SIGLEC1: variants seen among roughly 807,000 people sequenced by gnomAD.
SIGLEC1 encodes the protein sialoadhesin.
In SIGLEC1, 132 loss-of-function variants were observed where a neutral mutation model predicts 148.0. The ratio of observed to expected loss-of-function variants is 0.89; its 90% CI spans 0.77 to 1.03. The LOEUF is 1.03. SIGLEC1 is among the 50% of genes least tolerant of loss of function. The probability of loss-of-function intolerance (pLI) is 0.00; values close to 1 mark genes in which losing one functional copy is unlikely to be tolerated. For synonymous variants in SIGLEC1, 945 were observed against 969.0 expected, an observed-to-expected ratio of 0.98 and a Z score of 0.46; for missense variants, 2,253 against 2,271.4, an observed-to-expected ratio of 0.99 and a Z score of 0.16.
At chr20:3,700,706 T>C (rs1311473699) in intron 7 of SIGLEC1, among the ~76,000 whole-genome samples, 3 of 148,398 alleles carry the variant, frequency 2.0e-5, no homozygotes, top group East Asian at 2.0e-4. Flanking sequence ...TCTTTTTTTT[T>C]TTTTTTTTTT....
At chr20:3,709,003 C>A (rs2146533820) in intron 1 of SIGLEC1, among the ~76,000 whole-genome samples, 1 of 146,706 alleles carries the variant, frequency 6.8e-6, no homozygotes, top group African/African-American at 2.6e-5. Flanking sequence ...CAGGATCACG[C>A]CACTGTACTC....
chr20:3,700,757 G>A (rs2087844956), intron 7 of SIGLEC1, among the ~76,000 whole-genome samples: 1 of 147,232 alleles, frequency 6.8e-6, no homozygotes, highest in Non-Finnish European at 1.5e-5. Flanking sequence ...CTGGAGTGCA[G>A]TGGCGCTATC....
Position 3,689,628 on chromosome 20 carries a change from A to G in SIGLEC1, c.4969T>C (p.Leu1657=). The change falls in exon 20 of 22, where the codon TTG becomes CTG. Residue 1657 remains leucine, a synonymous_variant. Coordinates refer to ENST00000344754, the MANE Select transcript of SIGLEC1 (RefSeq NM_023068.4). ...GLLVGLLLLL[L]GLGACYTWRR... is the part of the protein sequence containing the mutation. ...CAGGTGTAGCAGGCCCCCAGGCCCA[A>G]CAGCAGGAGCAGGAGGCCCACCAGC... 3 of 1,588,040 alleles carry G rather than the reference A, an allele frequency of 1.9e-6. No individual in the cohort carries two copies. Among genetic ancestry groups the G allele is most frequent in the Non-Finnish European group, 2.6e-6 (3 of 1,167,436 alleles).
Position 3,694,394 on chromosome 20 carries a change from A to T in SIGLEC1, c.3083T>A (p.Leu1028Gln), listed in dbSNP as rs2088800586. Residue 1028 changes from leucine to glutamine, a missense_variant, in exon 13 of 22, where the codon CTA becomes CAA. Physicochemically the swap from Leu to Gln is moderately radical, Grantham distance 113 (BLOSUM62 -2). Transcript: ENST00000344754. ...LHGDRLVAST[L>Q]QGVGGPEGSS... ...GCCTTCGGGTCCCCCCACACCTTGT[A>T]GGGTGGAGGCCACAAGGCGATCCCC... The T allele has an allele frequency of 6.2e-6, 10 of 1,613,176 alleles. No individual in the cohort carries two copies. Among genetic ancestry groups the T allele is most frequent in the Non-Finnish European group, 7.6e-6 (9 of 1,179,836 alleles).
At chr20:3,707,652 C>T (rs942158697) in intron 1 of SIGLEC1, among the ~76,000 whole-genome samples, 2 of 152,236 alleles carry the variant, frequency 1.3e-5, no homozygotes, top group Non-Finnish European at 2.9e-5. Context: ...CATAATGGGG[C>T]TTTACTGAAC....
intron 7 of SIGLEC1, 97 bp from the exon 8 acceptor site, chr20:3,699,556 A>C: frequency 1.4e-6 from 2 of 1,451,278 alleles, no homozygotes; most frequent in Non-Finnish European, 1.9e-6. Flanking sequence ...TCCCCACACT[A>C]CTGTAGGTAG....
At chr20:3,688,903 G>A (rs991063194) in intron 21 of SIGLEC1, 2 of 599,506 alleles carry the variant, frequency 3.3e-6, no homozygotes, top group African/African-American at 3.7e-5. Flanking sequence ...CTTGGAAATG[G>A]AGGGGATGCT....
rs709012 is a variant in SIGLEC1 at position 3,694,851 on chromosome 20, T to C, written c.2756A>G (p.His919Arg). 1 of 1,613,244 alleles carries C rather than the reference T, an allele frequency of 6.2e-7. No homozygotes were observed. Among genetic ancestry groups the C allele is most frequent in the South Asian group, 1.1e-5 (1 of 91,074 alleles). Residue 919 changes from histidine (H) to arginine (R), a missense_variant, in exon 12 of 22, where the codon CAC (histidine) becomes CGC (arginine). His to Arg is a conservative substitution (Grantham distance 29). Transcript: ENST00000344754. Reference protein sequence around the residue: ...GQAVVLSCQVHTGVPEGTSYR... With the variant: ...GQAVVLSCQVRTGVPEGTSYR... Reference sequence around the variant, plus strand: ...TGAGGTCCCCTCTGGGACTCCTGTGTGTACCTGGCAGCTCAGGACCACAGC... The same window carrying C: ...TGAGGTCCCCTCTGGGACTCCTGTGCGTACCTGGCAGCTCAGGACCACAGC...
At position 3,699,469 on chromosome 20, in the gene SIGLEC1, G is replaced by C. The variant is rs373355022; in HGVS notation, c.1529-10C>G. The C allele has an allele frequency of 3.4e-5, 55 of 1,602,878 alleles. No homozygotes were observed. The highest frequency in any genetic ancestry group is 4.3e-5 in the Non-Finnish European group (51 of 1,175,610). On this transcript the variant is annotated splice_polypyrimidine_tract_variant and intron_variant, in intron 7 of 21. Transcript: ENST00000344754. ...ATGAGGAGACGGGCGGCTGCGGGGA[G>C]AGGAAGAGGCTGGGAAGGGTCCCTC...
intron 5 of SIGLEC1, among the ~76,000 whole-genome samples, 181 bp downstream of exon 5, chr20:3,703,644 C>T (rs1291021665): frequency 6.6e-6 from 1 of 152,218 alleles, no homozygotes; most frequent in Non-Finnish European, 1.5e-5. Context: ...TGACACCCCA[C>T]CCTTCGTGGG....
intron 16 of SIGLEC1, 43 bp downstream of exon 16, chr20:3,692,478 C>A: frequency 6.5e-7 from 1 of 1,538,692 alleles, no homozygotes; most frequent in Non-Finnish European, 8.7e-7. Context: ...CACCCTCCAC[C>A]ACCCTCCTCC....
At chr20:3,694,058 T>G (rs2088794388) in intron 13 of SIGLEC1, among the ~76,000 whole-genome samples, 163 bp downstream of exon 13, 1 of 152,080 alleles carries the variant, frequency 6.6e-6, no homozygotes, top group African/African-American at 2.4e-5. Flanking sequence ...TTATAAAAGG[T>G]TCTCCTAAGA....
chr20:3,697,451 G>A (rs2087812357), intron 9 of SIGLEC1, 109 bp from the exon 10 acceptor site: 2 of 1,413,198 alleles, frequency 1.4e-6, no homozygotes, highest in Non-Finnish European at 9.7e-7. Context: ...GGTGCCCACA[G>A]GGTTGGGGAG....
chr20:3,707,053 G>A, intron 2 of SIGLEC1, 27 bp downstream of exon 2: 1 of 1,610,622 alleles, frequency 6.2e-7, no homozygotes, highest in Non-Finnish European at 8.5e-7. Context: ...GACCCTGGAA[G>A]ACAGGCACTA....
chr20:3,693,417 G>A, intron 14 of SIGLEC1, 30 bp downstream of exon 14: 1 of 1,533,552 alleles, frequency 6.5e-7, no homozygotes, highest in Non-Finnish European at 8.8e-7. Context: ...TCATTCCTGT[G>A]AGTCCCACCC....
At chr20:3,696,947 C>T (rs1480794363) in intron 10 of SIGLEC1, 59 bp from the exon 11 acceptor site, 31 of 1,533,038 alleles carry the variant, frequency 2.0e-5, no homozygotes, top group South Asian at 5.0e-5. Flanking sequence ...ACAACTGCCA[C>T]ACTATGTCCC....
At position 3,690,227 on chromosome 20, in the gene SIGLEC1, C is replaced by A. The variant is rs781108789; in HGVS notation, c.4629G>T (p.Glu1543Asp). ...GGATGCCCCGGAGGCCACCCTCAGG[C>A]TCCACGAAGACCATCATGGTGGGCG... The part of the protein sequence containing the change: ...PKTPTMMVFV[E>D]PEGGLRGILD... The change falls in exon 19 of 22, where the codon GAG becomes GAT. Residue 1543 changes from glutamate (E) to aspartate (D), a missense_variant. By Grantham distance (45) the Glu-to-Asp change is conservative (BLOSUM62 2). Coordinates refer to ENST00000344754, the MANE Select transcript of SIGLEC1 (RefSeq NM_023068.4). 1 of 1,552,806 alleles carries A rather than the reference C, an allele frequency of 6.4e-7. No individual in the cohort carries two copies. Among genetic ancestry groups the A allele is most frequent in the African/African-American group, 1.4e-5 (1 of 73,252 alleles).
At chr20:3,697,000 C>T in intron 10 of SIGLEC1, 85 bp downstream of exon 10, 1 of 1,555,992 alleles carries the variant, frequency 6.4e-7, no homozygotes, top group Non-Finnish European at 8.6e-7. Context: ...GCTCTTTCCT[C>T]CCCAAACCCC....
chr20:3,694,226 G>A lies in SIGLEC1; in HGVS notation c.3251C>T (p.Ala1084Val), dbSNP rs780763473. 3.1e-5 allele frequency: 50 copies of A among 1,605,160 alleles called. No homozygotes were observed. Among genetic ancestry groups the A allele is most frequent in the Non-Finnish European group, 4.2e-5 (49 of 1,175,772 alleles). Residue 1084 changes from alanine (A) to valine (V), a missense_variant, in exon 13 of 22, where the codon GCT becomes GTT. Physicochemically the swap from Ala to Val is moderately conservative, Grantham distance 64 (BLOSUM62 0). Transcript: ENST00000344754. ...ACACACACACACACACTGACCTTGA[G>A]CGTCGAAGTCAGCTGAGGCCGAGGC... ...GQASASADFD[A>V]QAVNVQVWPG...
Sources: allele counts gnomAD v4.1 joint callset (sites outside exome capture counted in the v4.1 genomes callset), GRCh38; gene constraint gnomAD v4.1.1; transcripts MANE v1.5; gene names NCBI Gene and HGNC (gene_info 2026-07-23, HGNC 2026-07-21).